ROBO2: variants seen among roughly 807,000 people sequenced by gnomAD.
The protein encoded by ROBO2 is roundabout guidance receptor 2, also known as roundabout homolog 2.
A neutral mutation model predicts 160.8 loss-of-function variants in ROBO2; 53 were observed. That is an observed-to-expected ratio of 0.33 (90% CI 0.26 to 0.41). The LOEUF (loss-of-function observed/expected upper bound fraction) is 0.41, where lower values mean the gene tolerates loss of function less well. Among genes scored for constraint, ROBO2 ranks in the 10% least tolerant of loss-of-function variants. The pLI is 1.00. For synonymous variants in ROBO2, 664 were observed against 611.7 expected (o/e 1.09, Z -1.26); for missense variants, 1,577 against 1,722.4 (o/e 0.92, Z 1.49).
chr3:77,474,726 T>C (rs2083782824), intron 2 of ROBO2, among the ~76,000 whole-genome samples: 1 of 152,024 alleles, frequency 6.6e-6, no homozygotes, highest in Non-Finnish European at 1.5e-5. Context: ...TGCTATTTTC[T>C]ACATTTACCA....
At chr3:76,449,013 C>T (rs1029737123) in intron 2 of ROBO2, among the ~76,000 whole-genome samples, 4 of 151,926 alleles carry the variant, frequency 2.6e-5, no homozygotes, top group Admixed American at 1.3e-4. Flanking sequence ...TAAGGAAAAA[C>T]GGAAATATAA....
rs554437079 is a variant in ROBO2, at chr3:76,453,875, T to G, written c.109+516273T>G. On this transcript the variant is annotated intron_variant, in intron 2 of 26. Transcript: ENST00000487694. Reference sequence around the variant, plus strand: ...ATTAAAGCTTGATTCCTGAACAGAATGAATGTATGAATTGACTCTATTACA... The same window carrying G: ...ATTAAAGCTTGATTCCTGAACAGAAGGAATGTATGAATTGACTCTATTACA... Among the ~76,000 whole-genome samples the G allele has an allele frequency of 3.3e-5, 5 of 152,264 alleles. No homozygotes were observed. In the South Asian group the frequency reaches 1.0e-3, roughly 31 times the overall value.
At chr3:77,453,694 T>G (rs908293614) in intron 2 of ROBO2, among the ~76,000 whole-genome samples, 11 of 152,152 alleles carry the variant, frequency 7.2e-5, no homozygotes, top group Admixed American at 5.2e-4. Context: ...ATGTTTTCTC[T>G]TGTTTAGTCC....
chr3:76,808,860 G>A (rs531028604), intron 2 of ROBO2, among the ~76,000 whole-genome samples: 1 of 152,150 alleles, frequency 6.6e-6, no homozygotes, highest in African/African-American at 2.4e-5. Flanking sequence ...TTCATGCAAA[G>A]TGTGTGGTAG....
intron 2 of ROBO2, among the ~76,000 whole-genome samples, chr3:76,588,365 C>G (rs1294327958): frequency 3.9e-5 from 6 of 152,290 alleles, no homozygotes; most frequent in African/African-American, 9.6e-5. Flanking sequence ...AAATAGCCCT[C>G]TAACTTGTTC....
chr3:76,395,037 C>A lies in ROBO2; in HGVS notation c.109+457435C>A, dbSNP rs565720744. Among the ~76,000 whole-genome samples, 10 of 152,148 alleles carry A rather than the reference C, an allele frequency of 6.6e-5. No individual in the cohort carries two copies. The East Asian group carries it at 1.9e-3, about 29-fold the overall frequency. On this transcript the variant is annotated intron_variant, in intron 2 of 26. Transcript: ENST00000487694. ...ACAGAATATACATTTTTTTCAGCAC[C>A]GCACCACACCTATTCCAACATTGAC...
chr3:76,002,804 T>C (rs2065925036), intron 2 of ROBO2, among the ~76,000 whole-genome samples: 1 of 152,136 alleles, frequency 6.6e-6, no homozygotes, highest in African/African-American at 2.4e-5. Flanking sequence ...CTGGAATAGC[T>C]TTTTCCTTGT....
At chr3:77,298,745 A>G (rs922075260) in intron 2 of ROBO2, among the ~76,000 whole-genome samples, 3 of 152,204 alleles carry the variant, frequency 2.0e-5, no homozygotes, top group Non-Finnish European at 4.4e-5. Flanking sequence ...TTACAGACAA[A>G]TTTGTTATTC....
At chr3:77,018,075 AGTT>A (rs1195499724) in intron 2 of ROBO2, among the ~76,000 whole-genome samples, 4 of 151,754 alleles carry the variant, frequency 2.6e-5, no homozygotes, top group Non-Finnish European at 4.4e-5. Context: ...GACAAAGAAA[AGTT>A]GTTCTTTATG....
At chr3:77,448,748 C>T (rs528412209) in intron 2 of ROBO2, among the ~76,000 whole-genome samples, 36 of 144,504 alleles carry the variant, frequency 2.5e-4, no homozygotes, top group African/African-American at 7.3e-4. Flanking sequence ...GAACCACATC[C>T]CTTATTGAAC....
At chr3:76,814,173 G>C (rs956592072) in intron 2 of ROBO2, among the ~76,000 whole-genome samples, 4 of 152,116 alleles carry the variant, frequency 2.6e-5, no homozygotes, top group Non-Finnish European at 5.9e-5. Context: ...GCTGATGACA[G>C]CGCAAATACA....
At chr3:77,565,784 G>A (rs1455286719) in intron 12 of ROBO2, among the ~76,000 whole-genome samples, 5 of 151,962 alleles carry the variant, frequency 3.3e-5, no homozygotes, top group Non-Finnish European at 7.4e-5. Flanking sequence ...CAATTCTTTC[G>A]ACTATAATGT....
rs1243493513 is a variant in ROBO2, at chr3:77,165,656, G to A, written c.388+67316G>A. Among the ~76,000 whole-genome samples, 4 of 151,870 alleles carry A rather than the reference G, an allele frequency of 2.6e-5. No individual in the cohort carries two copies. The East Asian group carries it at 7.7e-4, about 29-fold the overall frequency. On this transcript the variant is annotated intron_variant, in intron 2 of 25. Coordinates refer to ENST00000461745, the Ensembl canonical transcript of ROBO2. ...CCTATATTTTTGTAAACTTTTAATT[G>A]AAGTATAACATATATACAGAAAAGT...
At chr3:76,338,559 T>G (rs2074029952) in intron 2 of ROBO2, among the ~76,000 whole-genome samples, 1 of 151,724 alleles carries the variant, frequency 6.6e-6, no homozygotes, top group South Asian at 2.1e-4. Flanking sequence ...TGTAGTACTA[T>G]CTACTTGGGA....
At position 77,122,285 on chromosome 3, in the gene ROBO2, T is replaced by C. The variant is rs187757875; in HGVS notation, c.388+23945T>C. Among the ~76,000 whole-genome samples, 605 of 152,244 alleles carry C rather than the reference T, an allele frequency of 4.0e-3. 7 individuals carry two copies. The highest frequency in any genetic ancestry group is 0.014 in the Middle Eastern group (4 of 294). On this transcript the variant is annotated intron_variant, in intron 2 of 25. Coordinates refer to ENST00000461745, the Ensembl canonical transcript of ROBO2. ...AAGGTAGTATTAAATATTAATCTGC[T>C]CCCCAACTCTAAAAATGTAGACTCT...
At chr3:77,502,280 A>AT (rs2087728581) in intron 5 of ROBO2, among the ~76,000 whole-genome samples, 1 of 152,126 alleles carries the variant, frequency 6.6e-6, no homozygotes, top group Admixed American at 6.5e-5. Context: ...TAGAAGTAGA[A>AT]TTTTTATCAT....
chr3:76,014,771 T>C (rs928060660), intron 2 of ROBO2, among the ~76,000 whole-genome samples: 2 of 152,058 alleles, frequency 1.3e-5, no homozygotes, highest in African/African-American at 4.8e-5. Flanking sequence ...TACAAAATAT[T>C]TTAAAAGTTG....
chr3:77,598,352 G>A (rs923563512), intron 19 of ROBO2, among the ~76,000 whole-genome samples: 1 of 150,604 alleles, frequency 6.6e-6, no homozygotes, highest in Non-Finnish European at 1.5e-5. Flanking sequence ...TATGAGAAGG[G>A]GAACTCCCTT....
intron 2 of ROBO2, among the ~76,000 whole-genome samples, chr3:76,663,391 T>C (rs1182983240): frequency 6.6e-6 from 1 of 152,158 alleles, no homozygotes; most frequent in Non-Finnish European, 1.5e-5. Context: ...TTGCCGTCCT[T>C]ACTGAAGGGG....
Sources: gnomAD v4.1 joint callset for allele counts (sites outside exome capture counted in the v4.1 genomes callset) on GRCh38, gnomAD v4.1.1 for gene constraint, MANE v1.5 for transcripts, NCBI Gene and HGNC (gene_info 2026-07-23, HGNC 2026-07-21) for gene names.